Variants in NTM observed in about 807,000 individuals in gnomAD.
NTM encodes the protein neurotrimin, also known as IgLON family member 2.
Under a neutral mutation model 42.1 loss-of-function variants are expected in NTM, and 13 were observed. The observed-to-expected ratio is 0.31, with a 90% CI of 0.20 to 0.49. The LOEUF (loss-of-function observed/expected upper bound fraction) is 0.49. NTM is among the 20% of genes least tolerant of loss of function. The probability of loss-of-function intolerance (pLI) is 0.99; values close to 1 mark genes in which losing one functional copy is unlikely to be tolerated. For missense variants in NTM, 373 were observed against 452.8 expected (o/e 0.82, Z 1.60); for synonymous variants, 187 against 179.2 (o/e 1.04, Z -0.35).
At chr11:132,095,769 C>G (rs1030243999) in intron 2 of NTM, among the ~76,000 whole-genome samples, 1 of 152,168 alleles carries the variant, frequency 6.6e-6, no homozygotes, top group Admixed American at 6.5e-5. Context: ...TCCTAGAAGA[C>G]ACGTATTAGA....
intron 1 of NTM, among the ~76,000 whole-genome samples, chr11:131,418,337 A>G (rs752155948): frequency 6.6e-5 from 10 of 152,252 alleles, no homozygotes; most frequent in East Asian, 3.9e-4. Context: ...TCAGGCTGCC[A>G]CAGCTTTATC....
At chr11:132,006,359 A>G (rs1303774132) in intron 2 of NTM, among the ~76,000 whole-genome samples, 1 of 152,154 alleles carries the variant, frequency 6.6e-6, no homozygotes, top group Non-Finnish European at 1.5e-5. Context: ...AAGCTAGCAG[A>G]GGGAGGGAAA....
chr11:131,924,780 G>C (rs559669750), intron 2 of NTM, among the ~76,000 whole-genome samples: 1 of 152,272 alleles, frequency 6.6e-6, no homozygotes, highest in African/African-American at 2.4e-5. Context: ...TTGTATTCAG[G>C]CTTCTGAGAG....
At chr11:132,166,541 A>G (rs1244704723) in intron 3 of NTM, among the ~76,000 whole-genome samples, 1 of 151,962 alleles carries the variant, frequency 6.6e-6, no homozygotes, top group African/African-American at 2.4e-5. Context: ...CTCTAATGAA[A>G]TTCAGTTTTC....
chr11:131,971,903 G>A (rs751706842), intron 2 of NTM, among the ~76,000 whole-genome samples: 8 of 151,750 alleles, frequency 5.3e-5, no homozygotes, highest in African/African-American at 1.2e-4. Context: ...AAAATTAGCC[G>A]AGTGTGGTGG....
chr11:131,772,375 C>T (rs2086250532), intron 1 of NTM, among the ~76,000 whole-genome samples: 1 of 152,166 alleles, frequency 6.6e-6, no homozygotes. Flanking sequence ...TGACTAGATT[C>T]CTAATCAATT....
chr11:131,772,720 C>T (rs951169231), intron 1 of NTM, among the ~76,000 whole-genome samples: 2 of 152,170 alleles, frequency 1.3e-5, no homozygotes, highest in African/African-American at 4.8e-5. Context: ...GACTCCTAAT[C>T]CATGGAAACT....
intron 2 of NTM, among the ~76,000 whole-genome samples, chr11:131,932,680 T>A (rs563979790): frequency 6.6e-6 from 1 of 152,214 alleles, no homozygotes; most frequent in Admixed American, 6.5e-5. Context: ...GGTGATGATT[T>A]ATACCTTAAT....
chr11:131,880,277 G>A (rs2049261760), intron 1 of NTM, among the ~76,000 whole-genome samples: 1 of 152,180 alleles, frequency 6.6e-6, no homozygotes, highest in African/African-American at 2.4e-5. Flanking sequence ...GCTGGTGCTG[G>A]CTCTGGCAGC....
In NTM at chr11:132,212,060, A is replaced by G. The variant is rs766322127; in HGVS notation, c.439A>G (p.Ile147Val). ...KIVEISSDISINEGNNISLTC... is the reference protein window; with the variant it reads ...KIVEISSDISVNEGNNISLTC... ...TGTAGAGATTTCTTCAGATATCTCC[A>G]TTAATGAAGGGAACAATATTAGCCT... Residue 147 changes from isoleucine (I) to valine (V), a missense_variant, in exon 4 of 9, where the codon ATT becomes GTT. By Grantham distance (29) the Ile-to-Val change is conservative. Coordinates refer to ENST00000683400, the MANE Select transcript of NTM (RefSeq NM_001352005.2). 17 of 1,613,076 alleles carry G rather than the reference A, an allele frequency of 1.1e-5. No individual in the cohort carries two copies. The highest frequency in any genetic ancestry group is 9.3e-5 in the African/African-American group (7 of 74,910).
chr11:131,964,399 T>C (rs2134564959), intron 2 of NTM, among the ~76,000 whole-genome samples: 1 of 152,312 alleles, frequency 6.6e-6, no homozygotes, highest in East Asian at 1.9e-4. Context: ...TGTTGAGATA[T>C]CACAGCAGCC....
At chr11:131,797,107 T>C (rs1443658706) in intron 1 of NTM, among the ~76,000 whole-genome samples, 2 of 152,252 alleles carry the variant, frequency 1.3e-5, no homozygotes, top group Admixed American at 6.5e-5. Context: ...TTGACTAATG[T>C]GTTTAGTAAG....
At chr11:132,129,239 A>G (rs1204534894) in intron 2 of NTM, among the ~76,000 whole-genome samples, 1 of 152,162 alleles carries the variant, frequency 6.6e-6, no homozygotes, top group African/African-American at 2.4e-5. Flanking sequence ...TGGAAGAGCA[A>G]TGTTGTATAG....
intron 1 of NTM, among the ~76,000 whole-genome samples, chr11:131,515,357 A>C (rs2048762284): frequency 6.6e-6 from 1 of 152,176 alleles, no homozygotes; most frequent in Non-Finnish European, 1.5e-5. Context: ...TCGTGGCATT[A>C]GAGAATGTTC....
intron 1 of NTM, among the ~76,000 whole-genome samples, chr11:131,721,433 A>G (rs2078320546): frequency 2.0e-5 from 3 of 152,080 alleles, no homozygotes; most frequent in Admixed American, 2.0e-4. Flanking sequence ...CTCCTTCATT[A>G]GGTTTTTGTG....
intron 2 of NTM, among the ~76,000 whole-genome samples, chr11:131,990,982 C>T (rs2066916553): frequency 1.3e-5 from 2 of 152,112 alleles, no homozygotes; most frequent in South Asian, 4.1e-4. Context: ...CTAACCTGAA[C>T]AAGAACACTG....
chr11:131,681,143 TTCCC>T (rs2072669262), intron 1 of NTM, among the ~76,000 whole-genome samples: 1 of 30,080 alleles, frequency 3.3e-5, no homozygotes, highest in African/African-American at 9.9e-5. Flanking sequence ...GTATGTATGT[TTCCC>T]TGTGTGTGTG....
intron 1 of NTM, among the ~76,000 whole-genome samples, chr11:131,739,936 C>T (rs533450353): frequency 3.9e-5 from 6 of 152,190 alleles, no homozygotes; most frequent in Admixed American, 3.3e-4. Flanking sequence ...GGGAGCTAAA[C>T]GCACAGTCTC....
At chr11:131,856,285 CTT>C (rs563416883) in intron 1 of NTM, among the ~76,000 whole-genome samples, 5 of 152,100 alleles carry the variant, frequency 3.3e-5, no homozygotes, top group Non-Finnish European at 7.3e-5. Context: ...TATATAATGA[CTT>C]TTTCTTAGAC....
Sources: gnomAD v4.1 joint callset for allele counts (sites outside exome capture counted in the v4.1 genomes callset) on GRCh38, gnomAD v4.1.1 for gene constraint, MANE v1.5 for transcripts, NCBI Gene and HGNC (gene_info 2026-07-23, HGNC 2026-07-21) for gene names.